Variants in TGFB2 observed in about 807,000 individuals in gnomAD.
TGFB2 encodes transforming growth factor beta-2 proprotein.
In TGFB2, 13 loss-of-function variants were observed where a neutral mutation model predicts 42.7. The ratio of observed to expected loss-of-function variants is 0.30; its 90% confidence interval spans 0.20 to 0.48. The LOEUF (loss-of-function observed/expected upper bound fraction) is 0.48, where lower values mean the gene tolerates loss of function less well. TGFB2 is among the 20% of genes least tolerant of loss of function. The pLI is 0.99. For synonymous variants in TGFB2, 193 were observed against 193.6 expected (o/e 1.00, Z 0.03); for missense variants, 390 against 517.5 (o/e 0.75, Z 2.39).
intron 1 of TGFB2, among the ~76,000 whole-genome samples, chr1:218,397,724 A>G (rs7528564): frequency 0.16 from 23,589 of 152,142 alleles, 3,346 homozygotes; most frequent in African/African-American, 0.38. Flanking sequence ...CATACTCTTT[A>G]AGAAAGACTG....
chr1:218,359,140 G>A (rs1207828068), intron 1 of TGFB2, among the ~76,000 whole-genome samples: 2 of 152,138 alleles, frequency 1.3e-5, no homozygotes, highest in African/African-American at 2.4e-5. Context: ...CCAAGCAGAA[G>A]CAAAGCTGAA....
At chr1:218,413,182 G>A (rs1439306634) in intron 2 of TGFB2, among the ~76,000 whole-genome samples, 1 of 152,020 alleles carries the variant, frequency 6.6e-6, no homozygotes, top group Non-Finnish European at 1.5e-5. Context: ...GACCAGCCTG[G>A]GCAACATGGT....
intron 1 of TGFB2, among the ~76,000 whole-genome samples, chr1:218,357,961 C>T (rs536968823): frequency 1.3e-5 from 2 of 152,280 alleles, no homozygotes; most frequent in East Asian, 3.9e-4. Context: ...AAAAGAAAAA[C>T]GTTGTGACTG....
intron 2 of TGFB2, among the ~76,000 whole-genome samples, chr1:218,421,562 A>G (rs1238708215): frequency 4.6e-5 from 7 of 152,152 alleles, no homozygotes; most frequent in Non-Finnish European, 4.4e-5. Context: ...GCTTTGAAGG[A>G]GCTCATAGTT....
At chr1:218,374,563 C>G (rs900574437) in intron 1 of TGFB2, among the ~76,000 whole-genome samples, 1 of 152,182 alleles carries the variant, frequency 6.6e-6, no homozygotes, top group African/African-American at 2.4e-5. Context: ...TATTAGTAGG[C>G]TTTTAAAAAA....
chr1:218,368,076 C>T (rs974428697), intron 1 of TGFB2, among the ~76,000 whole-genome samples: 2 of 152,200 alleles, frequency 1.3e-5, no homozygotes, highest in African/African-American at 4.8e-5. Flanking sequence ...GCTGGAATCA[C>T]AGGCATGAGC....
At chr1:218,364,557 G>A (rs1470572186) in intron 1 of TGFB2, among the ~76,000 whole-genome samples, 1 of 152,174 alleles carries the variant, frequency 6.6e-6, no homozygotes, top group Non-Finnish European at 1.5e-5. Flanking sequence ...GAGGCCCTGA[G>A]AAGGTTTGGA....
At chr1:218,415,133 A>G (rs1659230999) in intron 2 of TGFB2, among the ~76,000 whole-genome samples, 1 of 152,240 alleles carries the variant, frequency 6.6e-6, no homozygotes, top group Non-Finnish European at 1.5e-5. Flanking sequence ...TTTATAAGGC[A>G]TAGAGATAAT....
In TGFB2 at chr1:218,346,017, C is replaced by A. The variant is rs1164673322; in HGVS notation, c.-685C>A. On this transcript the variant is annotated 5_prime_UTR_variant, in exon 1 of 7. Coordinates refer to ENST00000366930, the MANE Select transcript of TGFB2 (RefSeq NM_003238.6). This position sits in a 1 kb window ranked among gnomAD's most constrained non-coding sequence, Gnocchi z 4.9. Reference sequence around the variant, plus strand: ...AGCGCCCTGCGAAGCGCACCCTCCTCCCCGCGGTGCGCTGGGCTCGCCCCC... The same window carrying A: ...AGCGCCCTGCGAAGCGCACCCTCCTACCCGCGGTGCGCTGGGCTCGCCCCC... Among the ~76,000 whole-genome samples, 1 of 151,702 alleles carries A rather than the reference C, an allele frequency of 6.6e-6. No individual in the cohort carries two copies. The highest frequency in any genetic ancestry group is 2.4e-5 in the African/African-American group (1 of 41,268).
chr1:218,407,943 T>TA (rs1342475886), intron 2 of TGFB2, among the ~76,000 whole-genome samples: 6 of 152,196 alleles, frequency 3.9e-5, no homozygotes, highest in African/African-American at 1.4e-4. Flanking sequence ...AGATTAAGGG[T>TA]AGCCAGATAA....
intron 1 of TGFB2, among the ~76,000 whole-genome samples, chr1:218,397,145 G>A (rs1047488497): frequency 4.0e-5 from 6 of 151,796 alleles, no homozygotes; most frequent in African/African-American, 1.5e-4. Context: ...GCAGGCGCCT[G>A]TAATCCCAGC....
rs1019391394 is a variant in TGFB2 at position 218,441,494 on chromosome 1, G to A, written c.*132G>A. 4 of 901,504 alleles carry A rather than the reference G, an allele frequency of 4.4e-6. No homozygotes were observed. The highest frequency in any genetic ancestry group is 6.4e-6 in the Non-Finnish European group (4 of 626,538). 55.8% of individuals were successfully genotyped at this position (901,504 alleles called of 1,614,324 possible). ...ATCAGTGTTAAAAAATTTTTGAAAA[G>A]GCGGTACTAGTTCAGACACTTTGGA... On this transcript the variant is annotated 3_prime_UTR_variant, in exon 7 of 7. Coordinates refer to ENST00000366930, the MANE Select transcript of TGFB2 (RefSeq NM_003238.6).
chr1:218,346,523 A>G lies in TGFB2; in HGVS notation c.-179A>G. 1.8e-6 allele frequency: 1 copy of G among 563,648 alleles called. No individual in the cohort carries two copies. The highest frequency in any genetic ancestry group is 3.0e-6 in the Non-Finnish European group (1 of 331,528). The allele number at this position is 563,648 out of a possible 1,614,324, so 34.9% of individuals were successfully genotyped here. On this transcript the variant is annotated 5_prime_UTR_variant, in exon 1 of 7. Transcript: ENST00000366930. The surrounding 1 kb of genome is among the most constrained non-coding windows in gnomAD (Gnocchi z 4.9). The stretch of plus-strand genomic sequence containing the variant: ...CTACTGGCCTTTTCTTTTTAAAGGA[A>G]TTCAAGCAGGATACGTTTTTCTGTT...
intron 2 of TGFB2, among the ~76,000 whole-genome samples, chr1:218,416,920 G>A (rs1280341981): frequency 6.6e-6 from 1 of 152,214 alleles, no homozygotes; most frequent in Non-Finnish European, 1.5e-5. Context: ...CACCATGTGA[G>A]ATGTGCCTTT....
At chr1:218,368,568 G>T (rs1216275012) in intron 1 of TGFB2, among the ~76,000 whole-genome samples, 1 of 152,238 alleles carries the variant, frequency 6.6e-6, no homozygotes, top group African/African-American at 2.4e-5. Context: ...CAATAATAAA[G>T]ATGAAATAAG....
At chr1:218,359,680 G>T (rs78072844) in intron 1 of TGFB2, among the ~76,000 whole-genome samples, 2,982 of 152,266 alleles carry the variant, frequency 0.02, 102 homozygotes, top group African/African-American at 0.066. Flanking sequence ...TCTCTAAGAA[G>T]AGTAGAAACT....
At chr1:218,367,375 G>T (rs562879941) in intron 1 of TGFB2, among the ~76,000 whole-genome samples, 6 of 152,266 alleles carry the variant, frequency 3.9e-5, no homozygotes, top group African/African-American at 1.4e-4. Flanking sequence ...TCCAAACAGT[G>T]TTTTGTTCAA....
intron 2 of TGFB2, among the ~76,000 whole-genome samples, chr1:218,414,240 C>CAG (rs1659198203): frequency 1.3e-5 from 2 of 151,888 alleles, no homozygotes; most frequent in African/African-American, 2.4e-5. Context: ...CACACACACA[C>CAG]ACACACACAC....
At chr1:218,370,979 G>A (rs1288552951) in intron 1 of TGFB2, among the ~76,000 whole-genome samples, 2 of 151,806 alleles carry the variant, frequency 1.3e-5, no homozygotes, top group African/African-American at 4.8e-5. Context: ...AGGAGTTGGG[G>A]AACAGGGAAA....
Sources: allele counts gnomAD v4.1 joint callset (sites outside exome capture counted in the v4.1 genomes callset), GRCh38; gene constraint gnomAD v4.1.1; non-coding constraint Gnocchi (gnomAD v3.1); transcripts MANE v1.5; gene names NCBI Gene and HGNC (gene_info 2026-07-23, HGNC 2026-07-21).